IDUA: variants seen among roughly 807,000 people sequenced by gnomAD.
IDUA encodes the protein alpha-L-iduronidase.
In IDUA, 65 loss-of-function variants were observed where a neutral mutation model predicts 68.9. The observed-to-expected ratio is 0.94, with a 90% CI of 0.77 to 1.16. The LOEUF is 1.16. IDUA is among the 50% of genes most tolerant of loss of function. The pLI is 0.00. For synonymous variants in IDUA, 529 were observed against 433.6 expected, an observed-to-expected ratio of 1.22 and a Z score of -2.73; for missense variants, 1,046 against 938.0, an observed-to-expected ratio of 1.12 and a Z score of -1.50.
chr4:990,443 G>A, intron 2 of IDUA: 3 of 1,369,676 alleles, frequency 2.2e-6, no homozygotes, highest in Non-Finnish European at 3.0e-6. Flanking sequence ...TGGCCCGAGG[G>A]GTGGTGGTCA....
chr4:991,560 C>T lies in IDUA; in HGVS notation c.299+3611C>T, dbSNP rs550460635. 13 of 1,603,700 alleles carry T rather than the reference C, an allele frequency of 8.1e-6. No homozygotes were observed. The highest frequency in any genetic ancestry group is 6.6e-5 in the South Asian group (6 of 90,668). ...TGGCGGGGAGCAGGTCCTGCACCAGCGCCCGGACGCACAGCACACTGCACG... is the reference window on the plus strand; with the variant it reads ...TGGCGGGGAGCAGGTCCTGCACCAGTGCCCGGACGCACAGCACACTGCACG... On this transcript the variant is annotated intron_variant, in intron 2 of 13. Coordinates refer to ENST00000514224, the MANE Select transcript of IDUA (RefSeq NM_000203.5).
Position 1,001,506 on chromosome 4 carries a change from G to A in IDUA, c.532G>A (p.Glu178Lys), listed in dbSNP as rs992336192. 2 of 1,613,132 alleles carry A rather than the reference G, an allele frequency of 1.2e-6. No homozygotes were observed. Among genetic ancestry groups the A allele is most frequent in the African/African-American group, 1.3e-5 (1 of 74,902 alleles). ...GLAHVSKWNF[E>K]TWNEPDHHDF... ...GGCGCATGTTTCCAAGTGGAACTTC[G>A]AGACGTGGAATGAGCCAGACCACCA... Residue 178 changes from glutamate to lysine, a missense_variant, in exon 5 of 14, where the codon GAG becomes AAG. Transcript: ENST00000514224.
In IDUA at chr4:1,003,544, C is replaced by T; in HGVS notation, c.1651-5C>T. The T allele has an allele frequency of 1.9e-6, 3 of 1,611,530 alleles. No individual in the cohort carries two copies. The highest frequency in any genetic ancestry group is 1.3e-5 in the African/African-American group (1 of 75,048). ...CGACGCCATCACAGCCCTTCCCTCC[C>T]CCAGGTCACGCGGCTCCGCGCCCTG... On this transcript the variant is annotated splice_polypyrimidine_tract_variant and splice_region_variant and intron_variant, in intron 11 of 13. Transcript: ENST00000514224.
chr4:994,787 TG>T (rs1206686534), intron 2 of IDUA, among the ~76,000 whole-genome samples: 2 of 151,402 alleles, frequency 1.3e-5, no homozygotes, highest in African/African-American at 4.9e-5. Context: ...ATTAGCTGGG[TG>T]TGGTGGTGTG....
chr4:998,880 G>A (rs544546761), intron 2 of IDUA, among the ~76,000 whole-genome samples: 1 of 151,354 alleles, frequency 6.6e-6, no homozygotes, highest in Non-Finnish European at 1.5e-5. Flanking sequence ...TACCTCTCTG[G>A]GCAACCCCCA....
chr4:999,064 G>A (rs1714918770), intron 2 of IDUA, among the ~76,000 whole-genome samples: 1 of 152,076 alleles, frequency 6.6e-6, no homozygotes, highest in South Asian at 2.1e-4. Context: ...AATTAGCCGG[G>A]CGTGGTGGCG....
intron 1 of IDUA, 26 bp downstream of exon 1, chr4:987,268 C>A (rs1257223813): frequency 3.3e-6 from 5 of 1,511,934 alleles, no homozygotes; most frequent in Middle Eastern, 2.2e-4. Context: ...CCTCCGGGAC[C>A]CCCTGGCCGC....
At chr4:991,751 T>G in intron 2 of IDUA, 1 of 1,530,846 alleles carries the variant, frequency 6.5e-7, no homozygotes, top group Non-Finnish European at 8.7e-7. Context: ...GAAGAGGGCA[T>G]GGTCACAGGA....
intron 4 of IDUA, 99 bp downstream of exon 4, chr4:1,001,088 T>A: frequency 1.2e-6 from 1 of 837,304 alleles, no homozygotes; most frequent in East Asian, 2.6e-5. Context: ...AGGAGATACA[T>A]TGGTGGGCAG....
intron 2 of IDUA, among the ~76,000 whole-genome samples, chr4:999,014 C>G (rs66808687): frequency 0.16 from 24,088 of 151,986 alleles, 2,383 homozygotes; most frequent in Non-Finnish European, 0.22. Context: ...ACCATCCTGG[C>G]TAACATGGTG....
intron 2 of IDUA, chr4:989,928 C>T (rs1714120620): frequency 1.3e-6 from 2 of 1,558,400 alleles, no homozygotes; most frequent in Non-Finnish European, 1.7e-6. Context: ...CACGCTGCAT[C>T]AGCCTGGGCT....
Position 1,001,797 on chromosome 4 carries a change from C to T in IDUA, c.708C>T (p.Gly236=). Residue 236 remains glycine (G), a synonymous_variant, in exon 6 of 14, where the codon GGC becomes GGT. Coordinates refer to ENST00000514224, the MANE Select transcript of IDUA (RefSeq NM_000203.5). ...HTPPRSPLSW[G]LLRHCHDGTN... is the part of the protein sequence containing the mutation. Reference sequence around the variant, plus strand: ...CACCGCGATCCCCGCTGAGCTGGGGCCTCCTGCGCCACTGCCACGACGGTA... The same window carrying T: ...CACCGCGATCCCCGCTGAGCTGGGGTCTCCTGCGCCACTGCCACGACGGTA... 6.2e-7 allele frequency: 1 copy of T among 1,604,254 alleles called. No individual in the cohort carries two copies. The highest frequency in any genetic ancestry group is 8.5e-7 in the Non-Finnish European group (1 of 1,177,668).
Position 987,260 on chromosome 4 carries a change from T to TC in IDUA, c.158+20dup. The stretch of plus-strand genomic sequence containing the variant: ...GGCTTCTGGTGAGCGCTCCGCGGCC[T>TC]CCGGGACCCCCTGGCCGCACGGGGA... On this transcript the variant is annotated intron_variant, in intron 1 of 13. Coordinates refer to ENST00000514224, the MANE Select transcript of IDUA (RefSeq NM_000203.5). 6.6e-7 allele frequency: 1 copy of TC among 1,513,770 alleles called. No homozygotes were observed. The highest frequency in any genetic ancestry group is 8.8e-7 in the Non-Finnish European group (1 of 1,137,684). The allele number at this position is 1,513,770 out of a possible 1,614,324, so 93.8% of individuals were successfully genotyped here. A position where few individuals can be genotyped will look rare whatever the true frequency, so the allele number is the denominator to read the frequency against.
intron 2 of IDUA, chr4:990,592 C>T (rs899471077): frequency 1.2e-5 from 7 of 580,876 alleles, no homozygotes; most frequent in Non-Finnish European, 2.1e-5. Context: ...CACGTGCACA[C>T]AGCTGGCCAT....
At position 1,004,256 on chromosome 4, in the gene IDUA, C is replaced by T. The variant is rs757535645; in HGVS notation, c.1829-4C>T. On this transcript the variant is annotated splice_region_variant and splice_polypyrimidine_tract_variant and intron_variant, in intron 13 of 13. Transcript: ENST00000514224. The surrounding 1 kb of genome is among the most constrained non-coding windows in gnomAD (Gnocchi z 5.0). The stretch of plus-strand genomic sequence containing the variant: ...GGTTGGCACACATGTCCCCTTGTCT[C>T]CAGACACAGGTGCTGTCTCTGGCTC... 1.9e-6 allele frequency: 3 copies of T among 1,609,880 alleles called. No homozygotes were observed. Among genetic ancestry groups the T allele is most frequent in the Non-Finnish European group, 2.5e-6 (3 of 1,179,978 alleles).
chr4:1,004,490 T>C lies in IDUA; in HGVS notation c.*97T>C, dbSNP rs1715326033. On this transcript the variant is annotated 3_prime_UTR_variant, in exon 14 of 14. Transcript: ENST00000514224. The surrounding 1 kb of genome is among the most constrained non-coding windows in gnomAD (Gnocchi z 5.0). Reference sequence around the variant, plus strand: ...TGCCCTCCCATCACCCCCTTTGCAATATATTTTTATATTTTATTATTTTCT... The same window carrying C: ...TGCCCTCCCATCACCCCCTTTGCAACATATTTTTATATTTTATTATTTTCT... The C allele has an allele frequency of 3.5e-6, 4 of 1,129,608 alleles. No individual in the cohort carries two copies. The highest frequency in any genetic ancestry group is 3.7e-6 in the Non-Finnish European group (3 of 803,096). The allele number at this position is 1,129,608 out of a possible 1,614,324, so 70.0% of individuals were successfully genotyped here.
Position 1,000,530 on chromosome 4 carries a change from G to A in IDUA, c.300-82G>A. 4.6e-6 allele frequency: 5 copies of A among 1,096,324 alleles called. No homozygotes were observed. The South Asian group carries it at 6.2e-5, about 14-fold the overall frequency. 67.9% of individuals were successfully genotyped at this position (1,096,324 alleles called of 1,614,324 possible). A position where few individuals can be genotyped will look rare whatever the true frequency, so the allele number is the denominator to read the frequency against. On this transcript the variant is annotated intron_variant, in intron 2 of 13. Coordinates refer to ENST00000514224, the MANE Select transcript of IDUA (RefSeq NM_000203.5). The stretch of plus-strand genomic sequence containing the variant: ...TGTGGCACCTTGCAGGCTCCCACAT[G>A]CTCCGTTGTGGCCACGGTTCCAGCC...
chr4:995,093 G>A (rs2153019896), intron 2 of IDUA, among the ~76,000 whole-genome samples: 1 of 149,558 alleles, frequency 6.7e-6, no homozygotes, highest in East Asian at 2.0e-4. Context: ...TGCCCAGGCT[G>A]GAGTGCAGTG....
At chr4:999,171 C>G (rs1577535369) in intron 2 of IDUA, among the ~76,000 whole-genome samples, 1 of 151,318 alleles carries the variant, frequency 6.6e-6, no homozygotes, top group Non-Finnish European at 1.5e-5. Context: ...CGCCACTGCA[C>G]CCCAGGCTGG....
Sources: gnomAD v4.1 joint callset for allele counts (sites outside exome capture counted in the v4.1 genomes callset) on GRCh38, gnomAD v4.1.1 for gene constraint, Gnocchi (gnomAD v3.1) non-coding constraint, MANE v1.5 for transcripts, NCBI Gene and HGNC (gene_info 2026-07-23, HGNC 2026-07-21) for gene names.